ATXN8OS: variants seen among roughly 807,000 people sequenced by gnomAD.
The protein encoded by ATXN8OS is ATXN8 opposite strand lncRNA.
At chr13:70,118,318 A>G (rs553085551) in intron 2 of ATXN8OS, among the ~76,000 whole-genome samples, 1 of 152,214 alleles carries the variant, frequency 6.6e-6, no homozygotes, top group Non-Finnish European at 1.5e-5. Flanking sequence ...TGTGAGTGAA[A>G]CAATAAATTT....
At chr13:70,171,251 G>A (rs75281305) in exon 5 of ATXN8OS, among the ~76,000 whole-genome samples, 12,709 of 152,134 alleles carry the variant, frequency 0.084, 683 homozygotes, top group Non-Finnish European at 0.099. Flanking sequence ...GAAGCCAGAT[G>A]GGCACAAGAG....
intron 3 of ATXN8OS, among the ~76,000 whole-genome samples, chr13:70,140,913 C>G (rs1888705782): frequency 6.6e-6 from 1 of 152,096 alleles, no homozygotes; most frequent in Admixed American, 6.6e-5. Flanking sequence ...ACAAGGCTAT[C>G]TACGATGGAC....
exon 3 of ATXN8OS, chr13:70,129,883 AG>A (rs1378749179): frequency 1.8e-5 from 7 of 398,442 alleles, no homozygotes; most frequent in African/African-American, 4.1e-5. Flanking sequence ...AGCGGGAACA[AG>A]GTAAAAACAT....
intron 4 of ATXN8OS, among the ~76,000 whole-genome samples, chr13:70,167,135 A>G (rs1889085015): frequency 6.6e-6 from 1 of 151,952 alleles, no homozygotes; most frequent in Non-Finnish European, 1.5e-5. Context: ...AGAACTGGAA[A>G]TACCATTTGA....
At chr13:70,168,210 A>T (rs1889101177) in intron 4 of ATXN8OS, among the ~76,000 whole-genome samples, 1 of 152,144 alleles carries the variant, frequency 6.6e-6, no homozygotes, top group Non-Finnish European at 1.5e-5. Flanking sequence ...TTCTTTAAAA[A>T]TAAATGGACA....
chr13:70,131,372 T>A (rs1443923174), intron 3 of ATXN8OS: 2 of 398,406 alleles, frequency 5.0e-6, no homozygotes, highest in Admixed American at 8.8e-5. Flanking sequence ...CAGAAATGCA[T>A]TTTTAAATTG....
At chr13:70,144,638 G>A (rs1252847780) in intron 3 of ATXN8OS, among the ~76,000 whole-genome samples, 1 of 151,960 alleles carries the variant, frequency 6.6e-6, no homozygotes, top group African/African-American at 2.4e-5. Flanking sequence ...CTACTAGTCT[G>A]TGCCTTGTCT....
intron 4 of ATXN8OS, among the ~76,000 whole-genome samples, chr13:70,148,370 A>C (rs1053781016): frequency 6.6e-6 from 1 of 152,132 alleles, no homozygotes; most frequent in Non-Finnish European, 1.5e-5. Context: ...TTGGCATCTT[A>C]TTAATACAAC....
At position 70,169,164 on chromosome 13, in the gene ATXN8OS, G is replaced by C. The variant is rs536912254; in HGVS notation, n.574-589G>C. 1.6e-3 allele frequency among the ~76,000 whole-genome samples: 244 copies of C among 152,154 alleles called. 1 individual carries two copies. The highest frequency in any genetic ancestry group is 5.6e-3 in the African/African-American group (232 of 41,532). On this transcript the variant is annotated intron_variant and non_coding_transcript_variant, in intron 4 of 4. Transcript: ENST00000678624. ...TAAATGGCTTGTTACATAATTAATA[G>C]ACAAAATCAACAGTTTTTGTACATT...
chr13:70,117,951 T>C (rs941868920), intron 2 of ATXN8OS, among the ~76,000 whole-genome samples: 3 of 152,144 alleles, frequency 2.0e-5, no homozygotes, highest in East Asian at 3.8e-4. Flanking sequence ...TTCACTTGAG[T>C]ATTCACAACA....
At chr13:70,158,089 A>AAAGCCTTG (rs1888958815) in intron 4 of ATXN8OS, among the ~76,000 whole-genome samples, 1 of 152,154 alleles carries the variant, frequency 6.6e-6, no homozygotes, top group African/African-American at 2.4e-5. Flanking sequence ...GCCGCTAGGA[A>AAAGCCTTG]AAGCCTTGAG....
chr13:70,126,789 T>G (rs1243066969), intron 2 of ATXN8OS, among the ~76,000 whole-genome samples: 1 of 151,728 alleles, frequency 6.6e-6, no homozygotes, highest in Non-Finnish European at 1.5e-5. Flanking sequence ...TCTATACATA[T>G]CTAGATCTAT....
At chr13:70,160,305 A>C (rs1379548399) in intron 4 of ATXN8OS, among the ~76,000 whole-genome samples, 1 of 151,538 alleles carries the variant, frequency 6.6e-6, no homozygotes, top group Non-Finnish European at 1.5e-5. Context: ...GCATTATTTT[A>C]TAAATTTTGG....
At chr13:70,153,774 G>A (rs1888902346) in intron 4 of ATXN8OS, among the ~76,000 whole-genome samples, 1 of 151,964 alleles carries the variant, frequency 6.6e-6, no homozygotes, top group African/African-American at 2.4e-5. Context: ...TGACTTCCCA[G>A]GCTCCCGCGA....
chr13:70,141,734 C>T (rs1888718588), intron 3 of ATXN8OS, among the ~76,000 whole-genome samples: 1 of 151,808 alleles, frequency 6.6e-6, no homozygotes, highest in Non-Finnish European at 1.5e-5. Context: ...ATTCATTCAT[C>T]AAAATGGCAA....
At chr13:70,163,875 G>A (rs1889039880) in intron 4 of ATXN8OS, among the ~76,000 whole-genome samples, 1 of 149,118 alleles carries the variant, frequency 6.7e-6, no homozygotes, top group Non-Finnish European at 1.5e-5. Context: ...TAACACTCAA[G>A]GGAAATCATG....
intron 2 of ATXN8OS, among the ~76,000 whole-genome samples, chr13:70,121,890 T>C (rs974941742): frequency 1.2e-4 from 18 of 151,862 alleles, no homozygotes; most frequent in African/African-American, 4.1e-4. Flanking sequence ...AGGAAAGAGA[T>C]TGGTATAATG....
chr13:70,126,838 C>T (rs893834362), intron 2 of ATXN8OS, among the ~76,000 whole-genome samples: 11 of 151,456 alleles, frequency 7.3e-5, no homozygotes, highest in Admixed American at 2.6e-4. Flanking sequence ...ATCTGTATAT[C>T]CGTATCTATA....
intron 2 of ATXN8OS, among the ~76,000 whole-genome samples, chr13:70,117,497 C>A (rs1374663605): frequency 6.6e-6 from 1 of 152,048 alleles, no homozygotes; most frequent in Non-Finnish European, 1.5e-5. Flanking sequence ...TTGAGCAGTG[C>A]ATCCTATAAA....
Sources: allele counts gnomAD v4.1 joint callset (sites outside exome capture counted in the v4.1 genomes callset), GRCh38; gene constraint gnomAD v4.1.1; transcripts MANE v1.5; gene names NCBI Gene and HGNC (gene_info 2026-07-23, HGNC 2026-07-21).